ATF7IP2: variants seen among roughly 807,000 people sequenced by gnomAD.
ATF7IP2 encodes the protein activating transcription factor 7 interacting protein 2.
A neutral mutation model predicts 64.2 loss-of-function variants in ATF7IP2; 42 were observed. The observed-to-expected ratio is 0.65, with a 90% CI of 0.51 to 0.85. The LOEUF (loss-of-function observed/expected upper bound fraction) is 0.85. Among genes scored for constraint, ATF7IP2 ranks in the 40% least tolerant of loss-of-function variants. The pLI is 0.00. For synonymous variants in ATF7IP2, 308 were observed against 272.8 expected (o/e 1.13, Z -1.27); for missense variants, 933 against 784.2 (o/e 1.19, Z -2.27).
intron 6 of ATF7IP2, among the ~76,000 whole-genome samples, chr16:10,434,020 C>T (rs2048340152): frequency 1.3e-5 from 2 of 152,192 alleles, no homozygotes; most frequent in African/African-American, 4.8e-5. Context: ...GTTCTTAGAT[C>T]TGCAGCTCTA....
chr16:10,391,414 CTG>C (rs1166875453), intron 1 of ATF7IP2, among the ~76,000 whole-genome samples: 2 of 152,196 alleles, frequency 1.3e-5, no homozygotes, highest in East Asian at 3.9e-4. Flanking sequence ...GAGTGAAACT[CTG>C]TGTCAAATAA....
At chr16:10,399,372 CAGAT>C (rs1596435118) in intron 1 of ATF7IP2, among the ~76,000 whole-genome samples, 1 of 152,134 alleles carries the variant, frequency 6.6e-6, no homozygotes, top group East Asian at 1.9e-4. Flanking sequence ...AGTATGGTAA[CAGAT>C]AGGGATTCAG....
intron 1 of ATF7IP2, among the ~76,000 whole-genome samples, chr16:10,401,606 C>G (rs2047536777): frequency 6.6e-6 from 1 of 152,126 alleles, no homozygotes; most frequent in Admixed American, 6.5e-5. Context: ...CAAAGTGATA[C>G]TATCTTCATA....
At chr16:10,471,427 C>A (rs1432440975) in intron 9 of ATF7IP2, among the ~76,000 whole-genome samples, 1 of 152,074 alleles carries the variant, frequency 6.6e-6, no homozygotes, top group Non-Finnish European at 1.5e-5. Context: ...ACTGAAGAGG[C>A]TGAGGCAGGA....
chr16:10,449,249 C>G (rs965178452), intron 8 of ATF7IP2: 10 of 152,166 alleles, frequency 6.6e-5, no homozygotes, highest in Admixed American at 5.9e-4. Context: ...TGATGTTCAT[C>G]AGGGATATTG....
chr16:10,465,350 G>T (rs2049527383), intron 9 of ATF7IP2, among the ~76,000 whole-genome samples: 1 of 152,012 alleles, frequency 6.6e-6, no homozygotes, highest in Non-Finnish European at 1.5e-5. Context: ...ACATAGAAAT[G>T]TTTCTCCAAG....
At position 10,482,343 on chromosome 16, in the gene ATF7IP2, A is replaced by T; in HGVS notation, c.*94A>T. 1.1e-6 allele frequency: 1 copy of T among 931,874 alleles called. No individual in the cohort carries two copies. The highest frequency in any genetic ancestry group is 1.6e-6 in the Non-Finnish European group (1 of 624,490). The allele number at this position is 931,874 out of a possible 1,614,324, so 57.7% of individuals were successfully genotyped here. A position where few individuals can be genotyped will look rare whatever the true frequency, so the allele number is the denominator to read the frequency against. The stretch of plus-strand genomic sequence containing the variant: ...ATTTGCCATTGTAAAAGGCCAGCTC[A>T]GATTGTGAGCCCTTTCTATTGGGAC... On this transcript the variant is annotated 3_prime_UTR_variant, in exon 14 of 14. Coordinates refer to ENST00000562102, the MANE Select transcript of ATF7IP2 (RefSeq NM_001393719.1).
intron 1 of ATF7IP2, among the ~76,000 whole-genome samples, chr16:10,389,704 C>T (rs954664816): frequency 1.3e-5 from 2 of 152,104 alleles, no homozygotes; most frequent in Non-Finnish European, 2.9e-5. Context: ...ATTAGATATT[C>T]GGGAGTGCTG....
Position 10,431,087 on chromosome 16 carries a change from T to C in ATF7IP2, c.467T>C (p.Phe156Ser), listed in dbSNP as rs377208400. 4.2e-5 allele frequency: 67 copies of C among 1,614,040 alleles called. No individual in the cohort carries two copies. The highest frequency in any genetic ancestry group is 5.3e-5 in the Non-Finnish European group (63 of 1,180,042). ...EHQTNVTRSL[F>S]EHEGACSLKS... is the part of the protein sequence containing the mutation. Reference sequence around the variant, plus strand: ...CAGACAAATGTAACAAGATCCCTTTTTGAGCATGAGGGGGCTTGTAGTCTA... The same window carrying C: ...CAGACAAATGTAACAAGATCCCTTTCTGAGCATGAGGGGGCTTGTAGTCTA... The change falls in exon 5 of 14, where the codon TTT (phenylalanine) becomes TCT (serine). Residue 156 changes from phenylalanine to serine, a missense_variant. Transcript: ENST00000562102.
At chr16:10,391,945 A>G (rs957203441) in intron 1 of ATF7IP2, among the ~76,000 whole-genome samples, 1 of 152,130 alleles carries the variant, frequency 6.6e-6, no homozygotes, top group Non-Finnish European at 1.5e-5. Flanking sequence ...TACACATACA[A>G]TTAGAGAATA....
chr16:10,390,815 AT>A (rs1355790104), intron 1 of ATF7IP2, among the ~76,000 whole-genome samples: 1 of 152,166 alleles, frequency 6.6e-6, no homozygotes, highest in African/African-American at 2.4e-5. Context: ...GACTGAAAAA[AT>A]ATCTGAGTTT....
At chr16:10,443,517 G>A (rs1285521089) in intron 8 of ATF7IP2, among the ~76,000 whole-genome samples, 1 of 152,224 alleles carries the variant, frequency 6.6e-6, no homozygotes, top group East Asian at 1.9e-4. Context: ...TGCTTTTGTT[G>A]AGAGTGCAAA....
chr16:10,409,358 T>C (rs560825481), intron 1 of ATF7IP2, among the ~76,000 whole-genome samples: 194 of 152,296 alleles, frequency 1.3e-3, no homozygotes, highest in African/African-American at 4.4e-3. Context: ...AAGTTGAGTT[T>C]GAGAACAAAG....
intron 2 of ATF7IP2, among the ~76,000 whole-genome samples, chr16:10,415,724 T>C (rs1474020021): frequency 1.3e-5 from 2 of 152,216 alleles, no homozygotes; most frequent in Non-Finnish European, 2.9e-5. Flanking sequence ...ATGGCATTAA[T>C]AACCAGAATA....
chr16:10,451,285 T>G (rs2048976080), intron 8 of ATF7IP2, among the ~76,000 whole-genome samples: 5 of 152,178 alleles, frequency 3.3e-5, no homozygotes, highest in Admixed American at 3.3e-4. Flanking sequence ...ATCTGACGAT[T>G]ATGTGTCTTA....
At chr16:10,390,673 T>A (rs2047303725) in intron 1 of ATF7IP2, among the ~76,000 whole-genome samples, 1 of 152,072 alleles carries the variant, frequency 6.6e-6, no homozygotes, top group African/African-American at 2.4e-5. Flanking sequence ...CTTGTAGTCC[T>A]ACCTCCTTGG....
At chr16:10,476,552 T>A (rs750808014) in intron 12 of ATF7IP2, among the ~76,000 whole-genome samples, 3 of 152,128 alleles carry the variant, frequency 2.0e-5, no homozygotes, top group Non-Finnish European at 4.4e-5. Context: ...GCAGGTTTGT[T>A]ACATAGGTAA....
intron 3 of ATF7IP2, among the ~76,000 whole-genome samples, chr16:10,422,325 C>A (rs1196853329): frequency 6.6e-6 from 1 of 152,166 alleles, no homozygotes; most frequent in East Asian, 1.9e-4. Flanking sequence ...TGAAGCAGTT[C>A]CTTCAAACTT....
chr16:10,398,814 A>C (rs2047471253), intron 1 of ATF7IP2, among the ~76,000 whole-genome samples: 3 of 152,256 alleles, frequency 2.0e-5, no homozygotes, highest in African/African-American at 4.8e-5. Flanking sequence ...CATTTAGTGA[A>C]ATATGTTCAA....
Sources: allele counts gnomAD v4.1 joint callset (sites outside exome capture counted in the v4.1 genomes callset), GRCh38; gene constraint gnomAD v4.1.1; transcripts MANE v1.5; gene names NCBI Gene and HGNC (gene_info 2026-07-23, HGNC 2026-07-21).